Variants in PARD3B observed in about 807,000 individuals in gnomAD.
PARD3B encodes partitioning defective 3 homolog B.
In PARD3B, 103 loss-of-function variants were observed where a neutral mutation model predicts 130.2. The observed-to-expected ratio is 0.79, with a 90% CI of 0.67 to 0.93. The LOEUF is 0.93. Among genes scored for constraint, PARD3B ranks in the 40% least tolerant of loss-of-function variants. The probability of loss-of-function intolerance (pLI) is 0.00; values close to 1 mark genes in which losing one functional copy is unlikely to be tolerated. For synonymous variants in PARD3B, 583 were observed against 553.2 expected (o/e 1.05, Z -0.76); for missense variants, 1,609 against 1,499.2 (o/e 1.07, Z -1.21).
At chr2:204,597,064 A>G (rs1253234503) in intron 1 of PARD3B, among the ~76,000 whole-genome samples, 1 of 152,086 alleles carries the variant, frequency 6.6e-6, no homozygotes, top group African/African-American at 2.4e-5. Context: ...AAAGGCAGCA[A>G]TTTCAGGCTT....
chr2:205,139,714 A>G (rs2125669167), intron 10 of PARD3B, among the ~76,000 whole-genome samples: 1 of 152,258 alleles, frequency 6.6e-6, no homozygotes, highest in East Asian at 1.9e-4. Flanking sequence ...CTTCAGCTGT[A>G]TAACTGAGTA....
At chr2:205,368,561 G>C (rs1304367283) in intron 18 of PARD3B, among the ~76,000 whole-genome samples, 1 of 152,118 alleles carries the variant, frequency 6.6e-6, no homozygotes, top group African/African-American at 2.4e-5. Context: ...GAACCCAGGA[G>C]GCAGCGTTTG....
At chr2:204,865,197 A>G (rs1013221212) in intron 2 of PARD3B, among the ~76,000 whole-genome samples, 3 of 152,220 alleles carry the variant, frequency 2.0e-5, no homozygotes, top group African/African-American at 7.2e-5. Context: ...TACAACCACT[A>G]TGGAAAACTG....
At chr2:204,711,987 C>T (rs1400388028) in intron 2 of PARD3B, among the ~76,000 whole-genome samples, 1 of 152,154 alleles carries the variant, frequency 6.6e-6, no homozygotes, top group Non-Finnish European at 1.5e-5. Flanking sequence ...GCATGTAGCA[C>T]TAGTGTTTTG....
rs1438258118 is a variant in PARD3B, at chr2:205,572,469, G to A, written c.3260+19066G>A. 6.6e-6 allele frequency among the ~76,000 whole-genome samples: 1 copy of A among 152,180 alleles called. No homozygotes were observed. Among genetic ancestry groups the A allele is most frequent in the African/African-American group, 2.4e-5 (1 of 41,448 alleles). On this transcript the variant is annotated intron_variant, in intron 22 of 22. Coordinates refer to ENST00000406610, the MANE Select transcript of PARD3B (RefSeq NM_001302769.2). The surrounding 1 kb of genome is among the most constrained non-coding windows in gnomAD (Gnocchi z 4.2). ...AAAATAAATTGGAGAGACAGGCCGGGTGCGGTGGTGCACGCCTGTAATCCC... is the reference window on the plus strand; with the variant it reads ...AAAATAAATTGGAGAGACAGGCCGGATGCGGTGGTGCACGCCTGTAATCCC...
chr2:204,929,964 T>G (rs1454744618), intron 2 of PARD3B, among the ~76,000 whole-genome samples: 1 of 152,040 alleles, frequency 6.6e-6, no homozygotes, highest in African/African-American at 2.4e-5. Flanking sequence ...TTTACTTGTA[T>G]CTATTTACTT....
At chr2:204,844,212 TA>T (rs761608803) in intron 2 of PARD3B, among the ~76,000 whole-genome samples, 1 of 152,174 alleles carries the variant, frequency 6.6e-6, no homozygotes, top group Non-Finnish European at 1.5e-5. Context: ...AGGAATTATG[TA>T]ATTATTATTT....
rs1490693214 is a variant in PARD3B, at chr2:204,993,924, T to A, written c.394+28601T>A. Reference sequence around the variant, plus strand: ...TGTATTTCTGTGGGATCGGTGGTGATATCCCCTTTATCATTTTTTATTGCA... The same window carrying A: ...TGTATTTCTGTGGGATCGGTGGTGAAATCCCCTTTATCATTTTTTATTGCA... On this transcript the variant is annotated intron_variant, in intron 3 of 22. Transcript: ENST00000406610. 2.0e-5 allele frequency among the ~76,000 whole-genome samples: 3 copies of A among 151,828 alleles called. No individual in the cohort carries two copies. In the South Asian group the frequency reaches 6.2e-4, roughly 31 times the overall value.
At chr2:205,071,864 A>T (rs1700754813) in intron 4 of PARD3B, among the ~76,000 whole-genome samples, 1 of 152,114 alleles carries the variant, frequency 6.6e-6, no homozygotes, top group East Asian at 1.9e-4. Context: ...CTGTCTATAG[A>T]TCCAAATTTT....
chr2:204,845,707 A>G (rs1319943033), intron 2 of PARD3B, among the ~76,000 whole-genome samples: 1 of 152,222 alleles, frequency 6.6e-6, no homozygotes, highest in East Asian at 1.9e-4. Context: ...ACAAGTGAAT[A>G]GACTCTGATT....
intron 6 of PARD3B, among the ~76,000 whole-genome samples, chr2:205,114,723 A>G (rs1330383907): frequency 6.7e-6 from 1 of 149,986 alleles, no homozygotes; most frequent in Non-Finnish European, 1.5e-5. Context: ...GCAGGTAGCC[A>G]TCTGCTACCT....
chr2:205,101,626 C>A (rs1266833144), intron 4 of PARD3B, among the ~76,000 whole-genome samples: 2 of 152,168 alleles, frequency 1.3e-5, no homozygotes, highest in Non-Finnish European at 2.9e-5. Flanking sequence ...GTGGAAACAA[C>A]CCAAATGCTC....
At chr2:204,998,213 A>G (rs2125266894) in intron 3 of PARD3B, among the ~76,000 whole-genome samples, 1 of 148,128 alleles carries the variant, frequency 6.8e-6, no homozygotes, top group Non-Finnish European at 1.5e-5. Flanking sequence ...GGAAATACCT[A>G]ATGTAGATGA....
At position 205,584,753 on chromosome 2, in the gene PARD3B, G is replaced by A. The variant is rs2054132483; in HGVS notation, c.3261-30703G>A. 1.3e-5 allele frequency among the ~76,000 whole-genome samples: 2 copies of A among 152,320 alleles called. No homozygotes were observed. The highest frequency in any genetic ancestry group is 1.5e-5 in the Non-Finnish European group (1 of 68,030). ...TATTTTCTCCTGGGGCAGCAATGCT[G>A]TAGACTGTCAAAGAGGCTCCATCTA... On this transcript the variant is annotated intron_variant, in intron 22 of 22. Transcript: ENST00000406610. The surrounding 1 kb of genome is among the most constrained non-coding windows in gnomAD (Gnocchi z 5.5).
rs10596741 is a variant in PARD3B, at chr2:204,636,453, AGTGT to A, written c.121-49694_121-49691del. 9.4e-3 allele frequency among the ~76,000 whole-genome samples: 1,305 copies of A among 139,000 alleles called. 8 individuals carry two copies. The highest frequency in any genetic ancestry group is 0.02 in the South Asian group (84 of 4,116). The allele number at this position is 139,000 out of a possible 152,430, so 91.2% of individuals were successfully genotyped here. On this transcript the variant is annotated intron_variant, in intron 1 of 22. Coordinates refer to ENST00000406610, the MANE Select transcript of PARD3B (RefSeq NM_001302769.2). ...GAGCTAAGACTTTAGAGGTCAGGTG[AGTGT>A]GTGTGTGTGTGTGTGTGTGTGTGTG...
intron 2 of PARD3B, among the ~76,000 whole-genome samples, chr2:204,787,427 T>A (rs1427107056): frequency 6.6e-6 from 1 of 152,084 alleles, no homozygotes; most frequent in Non-Finnish European, 1.5e-5. Flanking sequence ...GAAATTATGT[T>A]GTGAAATATA....
At chr2:205,153,171 G>A (rs933793859) in intron 10 of PARD3B, among the ~76,000 whole-genome samples, 19 of 152,154 alleles carry the variant, frequency 1.2e-4, no homozygotes, top group Non-Finnish European at 2.1e-4. Flanking sequence ...AGGGGCACCC[G>A]GCTGTATGAG....
intron 3 of PARD3B, among the ~76,000 whole-genome samples, chr2:205,020,545 C>A (rs1053265313): frequency 6.6e-6 from 1 of 151,928 alleles, no homozygotes; most frequent in Middle Eastern, 3.2e-3. Context: ...GAAAAAATAC[C>A]CCTCTTATAA....
chr2:205,597,305 C>T (rs571587847), intron 22 of PARD3B, among the ~76,000 whole-genome samples: 3 of 152,174 alleles, frequency 2.0e-5, no homozygotes, highest in South Asian at 4.1e-4. Context: ...CATTAGTTCA[C>T]TTAGGGCACT....
Sources: gnomAD v4.1 joint callset for allele counts (sites outside exome capture counted in the v4.1 genomes callset) on GRCh38, gnomAD v4.1.1 for gene constraint, Gnocchi (gnomAD v3.1) non-coding constraint, MANE v1.5 for transcripts, NCBI Gene and HGNC (gene_info 2026-07-23, HGNC 2026-07-21) for gene names.